The following VRK2 variants were observed in gnomAD, a reference collection of about 807,000 sequenced individuals.
The protein encoded by VRK2 is VRK serine/threonine kinase 2.
Under a neutral mutation model 57.6 loss-of-function variants are expected in VRK2, and 60 were observed. The observed-to-expected ratio is 1.04, with a 90% confidence interval of 0.85 to 1.29. VRK2 has a LOEUF of 1.29. Ranked by LOEUF, VRK2 falls within the 50% of genes most tolerant of loss-of-function variation. The probability of loss-of-function intolerance (pLI) is 0.00; values close to 1 mark genes in which losing one functional copy is unlikely to be tolerated. For missense variants in VRK2, 705 were observed against 588.1 expected (o/e 1.20, Z -2.06); for synonymous variants, 231 against 199.2 (o/e 1.16, Z -1.35).
chr2:58,147,258 A>C, intron 12 of VRK2: 4 of 495,958 alleles, frequency 8.1e-6, no homozygotes, highest in South Asian at 5.9e-5. Flanking sequence ...GTACTTATGC[A>C]TTCTTCAGCC....
At chr2:57,938,759 G>C (rs1670999499) in intron 1 of VRK2, among the ~76,000 whole-genome samples, 1 of 152,084 alleles carries the variant, frequency 6.6e-6, no homozygotes, top group Non-Finnish European at 1.5e-5. Context: ...ATGGAGACAA[G>C]ATGAGAGATG....
intron 12 of VRK2, among the ~76,000 whole-genome samples, chr2:58,149,653 A>G (rs1208154872): frequency 6.6e-6 from 1 of 151,592 alleles, no homozygotes; most frequent in East Asian, 1.9e-4. Context: ...TTTCACCATT[A>G]AGTTAGCTGT....
chr2:58,045,028 A>G (rs544098590), upstream of VRK2, among the ~76,000 whole-genome samples: 2 of 152,326 alleles, frequency 1.3e-5, no homozygotes, highest in South Asian at 2.1e-4. Flanking sequence ...CTGACTGTCA[A>G]TAGTGCCCAG....
chr2:58,137,079 CATAT>C (rs72304363), intron 10 of VRK2, among the ~76,000 whole-genome samples: 62 of 121,460 alleles, frequency 5.1e-4, no homozygotes, highest in African/African-American at 6.3e-4. Flanking sequence ...TCATATATAA[CATAT>C]ATATGTGTAT....
chr2:58,077,829 C>A (rs1431169128), intron 2 of VRK2, among the ~76,000 whole-genome samples: 1 of 152,068 alleles, frequency 6.6e-6, no homozygotes, highest in Non-Finnish European at 1.5e-5. Context: ...GCTCTTCCTT[C>A]TTCATGCATG....
intron 12 of VRK2, chr2:58,154,895 A>T (rs1683563242): frequency 5.1e-6 from 3 of 585,222 alleles, no homozygotes; most frequent in South Asian, 2.4e-5. Context: ...ACTTCAAAAT[A>T]TATTTCCCCT....
intron 10 of VRK2, among the ~76,000 whole-genome samples, chr2:58,138,473 C>T (rs1457258358): frequency 6.6e-6 from 1 of 152,202 alleles, no homozygotes. Flanking sequence ...ACCACGTTAG[C>T]TTCATGTTCC....
At position 58,135,111 on chromosome 2, in the gene VRK2, T is replaced by G. The variant is rs199570312; in HGVS notation, c.798-30T>G. On this transcript the variant is annotated intron_variant, in intron 9 of 12. Transcript: ENST00000340157. ...AAATAATCACAGGGTTGAAAACATG[T>G]TCATTGTGCATTACCTTATTTTGTT... The G allele has an allele frequency of 3.4e-5, 54 of 1,611,682 alleles. No homozygotes were observed. In the African/African-American group the frequency reaches 6.8e-4, roughly 20 times the overall value.
In VRK2 at chr2:58,146,296, T is replaced by A. The variant is rs1682113074; in HGVS notation, c.1024-20T>A. The stretch of plus-strand genomic sequence containing the variant: ...ACCAAAAGTTTTCATTATATATTAT[T>A]ACTTACTCTATACCAACAGGTTGAT... On this transcript the variant is annotated intron_variant, in intron 11 of 12. Transcript: ENST00000340157. 6.3e-7 allele frequency: 1 copy of A among 1,577,422 alleles called. No individual in the cohort carries two copies. The highest frequency in any genetic ancestry group is 1.4e-5 in the African/African-American group (1 of 72,268).
intron 12 of VRK2, among the ~76,000 whole-genome samples, chr2:58,155,390 G>A (rs1430953899): frequency 6.6e-6 from 1 of 152,088 alleles, no homozygotes; most frequent in Non-Finnish European, 1.5e-5. Flanking sequence ...TCTCTACTAC[G>A]GTCTCTACAG....
At chr2:58,041,625 T>C (rs1296588495) in intron 3 of VRK2, among the ~76,000 whole-genome samples, 2 of 152,154 alleles carry the variant, frequency 1.3e-5, no homozygotes, top group African/African-American at 4.8e-5. Flanking sequence ...CTGCAAACAT[T>C]CTCTTGTGGA....
intron 1 of VRK2, among the ~76,000 whole-genome samples, chr2:58,023,997 G>A (rs1049944598): frequency 3.2e-5 from 2 of 63,364 alleles, no homozygotes; most frequent in Non-Finnish European, 6.4e-5. Context: ...TTTTTTTTTT[G>A]AGACGGAGTC....
At chr2:58,156,530 T>C (rs984335854) in intron 12 of VRK2, among the ~76,000 whole-genome samples, 67 of 152,298 alleles carry the variant, frequency 4.4e-4, no homozygotes, top group African/African-American at 1.5e-3. Context: ...AAATAACTAT[T>C]TTTTTAAATC....
At chr2:58,102,026 A>ATATACATTT (rs1158862486) in intron 7 of VRK2, among the ~76,000 whole-genome samples, 2 of 151,682 alleles carry the variant, frequency 1.3e-5, no homozygotes, top group African/African-American at 2.4e-5. Context: ...AGCCAGGTAT[A>ATATACATTT]GTAACTAAGT....
At chr2:58,096,986 T>G (rs1037438700) in intron 7 of VRK2, among the ~76,000 whole-genome samples, 1 of 152,046 alleles carries the variant, frequency 6.6e-6, no homozygotes, top group African/African-American at 2.4e-5. Context: ...ATATTGTTTT[T>G]ATTAATGCCT....
At chr2:58,138,513 A>G (rs1446784767) in intron 10 of VRK2, among the ~76,000 whole-genome samples, 3 of 152,176 alleles carry the variant, frequency 2.0e-5, no homozygotes, top group Non-Finnish European at 2.9e-5. Context: ...ATATGGTGAA[A>G]GTGGTCACTC....
intron 1 of VRK2, among the ~76,000 whole-genome samples, chr2:57,939,391 T>G (rs1671020068): frequency 6.6e-6 from 1 of 152,174 alleles, no homozygotes; most frequent in Non-Finnish European, 1.5e-5. Flanking sequence ...TCTTCAGTGA[T>G]ATTATTATTC....
chr2:58,040,686 A>G (rs1674421388), intron 3 of VRK2, among the ~76,000 whole-genome samples: 1 of 152,208 alleles, frequency 6.6e-6, no homozygotes, highest in African/African-American at 2.4e-5. Flanking sequence ...GCTGTGTGGA[A>G]GAAGGCAGCT....
intron 1 of VRK2, among the ~76,000 whole-genome samples, chr2:57,951,318 T>C (rs1353475421): frequency 6.6e-6 from 1 of 152,152 alleles, no homozygotes. Context: ...AATCTCATGA[T>C]AAAACTTGAA....
Sources: allele counts gnomAD v4.1 joint callset (sites outside exome capture counted in the v4.1 genomes callset), GRCh38; gene constraint gnomAD v4.1.1; transcripts MANE v1.5; gene names NCBI Gene and HGNC (gene_info 2026-07-23, HGNC 2026-07-21).